ENOX2: variants seen among roughly 807,000 people sequenced by gnomAD.
ENOX2 encodes APK1 antigen.
Under a neutral mutation model 45.0 loss-of-function variants are expected in ENOX2, and 36 were observed. That is an observed-to-expected ratio of 0.80 (90% CI 0.61 to 1.06). ENOX2 has a LOEUF of 1.06. ENOX2 is among the 50% of genes least tolerant of loss of function. ENOX2 has a pLI of 0.00. For missense variants in ENOX2, 423 were observed against 462.5 expected (o/e 0.91, Z 0.78); for synonymous variants, 174 against 152.3 (o/e 1.14, Z -1.05).
intron 5 of ENOX2, among the ~76,000 whole-genome samples, chrX:130,685,015 A>C (rs935379001): frequency 4.5e-5 from 5 of 112,107 alleles, no homozygotes; most frequent in Non-Finnish European, 9.4e-5. Context: ...TAGGATTGGG[A>C]CTGTGGCAGA....
At chrX:130,833,256 A>G (rs746723459) in intron 2 of ENOX2, among the ~76,000 whole-genome samples, 1 of 111,038 alleles carries the variant, frequency 9.0e-6, no homozygotes, top group South Asian at 3.8e-4. Flanking sequence ...CTTTTCTTCA[A>G]TTTCCCCATA....
At chrX:130,629,145 T>C (rs1251900254) in intron 13 of ENOX2, among the ~76,000 whole-genome samples, 1 of 112,284 alleles carries the variant, frequency 8.9e-6, no homozygotes, top group Admixed American at 9.4e-5. Context: ...GCTCAAAATC[T>C]GTTCCAAAGG....
At chrX:130,765,034 A>G (rs1168299732) in intron 3 of ENOX2, among the ~76,000 whole-genome samples, 1 of 111,419 alleles carries the variant, frequency 9.0e-6, no homozygotes, top group Non-Finnish European at 1.9e-5. Flanking sequence ...AGGAATAAGT[A>G]ATGCTAGCAA....
intron 3 of ENOX2, among the ~76,000 whole-genome samples, chrX:130,749,901 C>G (rs1364491811): frequency 9.1e-6 from 1 of 110,413 alleles, no homozygotes; most frequent in Non-Finnish European, 1.9e-5. Flanking sequence ...TTCCTCTCTG[C>G]CTGTGTCTCC....
At chrX:130,700,486 A>G (rs1447884003) in intron 4 of ENOX2, among the ~76,000 whole-genome samples, 1 of 112,169 alleles carries the variant, frequency 8.9e-6, no homozygotes, top group African/African-American at 3.2e-5. Context: ...GAAATTAAAA[A>G]TACTCTTGAG....
At chrX:130,675,262 C>T (rs2037114334) in intron 6 of ENOX2, among the ~76,000 whole-genome samples, 1 of 111,674 alleles carries the variant, frequency 9.0e-6, no homozygotes, top group South Asian at 3.8e-4. Context: ...TATTTCTCCA[C>T]ATCCTCTCCA....
At chrX:130,855,793 T>C (rs111448598) in intron 2 of ENOX2, among the ~76,000 whole-genome samples, 5,776 of 111,785 alleles carry the variant, frequency 0.052, 383 homozygotes, top group African/African-American at 0.18. Context: ...AGCCACAGAT[T>C]GGCAAAAATA....
chrX:130,769,854 G>C, intron 3 of ENOX2, among the ~76,000 whole-genome samples: 1 of 112,404 alleles, frequency 8.9e-6, no homozygotes, highest in East Asian at 2.8e-4. Context: ...TTTTAAAAAT[G>C]CGATTAGCAA....
At chrX:130,654,669 T>G (rs1328307003) in intron 10 of ENOX2, among the ~76,000 whole-genome samples, 1 of 111,955 alleles carries the variant, frequency 8.9e-6, no homozygotes, top group East Asian at 2.8e-4. Flanking sequence ...TAAAATGAAT[T>G]GAAACCTTCT....
chrX:130,817,599 C>T (rs1208583133), intron 2 of ENOX2, among the ~76,000 whole-genome samples: 2 of 112,162 alleles, frequency 1.8e-5, no homozygotes, highest in African/African-American at 6.5e-5. Context: ...CCTTGGGATG[C>T]AAGGCTGATT....
intron 10 of ENOX2, among the ~76,000 whole-genome samples, chrX:130,638,202 G>A (rs1482272773): frequency 9.2e-6 from 1 of 108,818 alleles, no homozygotes; most frequent in Admixed American, 9.8e-5. Flanking sequence ...CTGAGTAGCC[G>A]GGACTACAGG....
chrX:130,874,066 C>T (rs186794934), intron 2 of ENOX2, among the ~76,000 whole-genome samples: 1 of 111,329 alleles, frequency 9.0e-6, no homozygotes, highest in East Asian at 2.8e-4. Flanking sequence ...AGAAGAAAAG[C>T]GAGGAGAAAT....
At chrX:130,851,634 G>C (rs1337266627) in intron 2 of ENOX2, among the ~76,000 whole-genome samples, 5 of 111,061 alleles carry the variant, frequency 4.5e-5, no homozygotes, top group African/African-American at 1.3e-4. Flanking sequence ...AAGATACAAT[G>C]ACATCTTAGG....
intron 2 of ENOX2, among the ~76,000 whole-genome samples, chrX:130,835,122 G>C (rs980695948): frequency 2.7e-5 from 3 of 111,366 alleles, no homozygotes; most frequent in African/African-American, 9.8e-5. Flanking sequence ...CTAGCTAGAA[G>C]AATGTTGCAT....
chrX:130,639,423 A>G (rs2036021598), intron 10 of ENOX2, among the ~76,000 whole-genome samples: 1 of 112,157 alleles, frequency 8.9e-6, no homozygotes, highest in Admixed American at 9.4e-5. Flanking sequence ...ACTGAGACCT[A>G]ATCATAGAAC....
chrX:130,692,579 T>TC (rs1569487818), intron 4 of ENOX2, among the ~76,000 whole-genome samples: 189 of 106,359 alleles, frequency 1.8e-3, no homozygotes, highest in African/African-American at 6.4e-3. Flanking sequence ...TATCTCTCTC[T>TC]GTTTTTTTTT....
chrX:130,853,172 A>G (rs1388577706), intron 2 of ENOX2, among the ~76,000 whole-genome samples: 1 of 110,528 alleles, frequency 9.0e-6, no homozygotes, highest in Non-Finnish European at 1.9e-5. Context: ...AGGGAAAAAA[A>G]AAGCCTCAAG....
intron 6 of ENOX2, among the ~76,000 whole-genome samples, chrX:130,670,979 A>G (rs2036974718): frequency 9.0e-6 from 1 of 111,509 alleles, no homozygotes; most frequent in Non-Finnish European, 1.9e-5. Flanking sequence ...ATAGGAATTT[A>G]TCTCATTTCA....
At chrX:130,865,469 T>C (rs932763046) in intron 2 of ENOX2, among the ~76,000 whole-genome samples, 3 of 112,118 alleles carry the variant, frequency 2.7e-5, no homozygotes, top group Admixed American at 1.9e-4. Flanking sequence ...AGAGAATCAA[T>C]ATGTTTACAG....
Sources: allele counts gnomAD v4.1 joint callset (sites outside exome capture counted in the v4.1 genomes callset), GRCh38; gene constraint gnomAD v4.1.1; transcripts MANE v1.5; gene names NCBI Gene and HGNC (gene_info 2026-07-23, HGNC 2026-07-21).